The following TBC1D32 variants were observed in gnomAD, a reference collection of about 807,000 sequenced individuals.
TBC1D32 encodes the protein TBC1 domain family member 32, also known as protein broad-minded.
TBC1D32 carries 151 observed loss-of-function variants against 170.3 expected under a neutral mutation model. That is an observed-to-expected ratio of 0.89 (90% confidence interval 0.78 to 1.01). The LOEUF (loss-of-function observed/expected upper bound fraction) is 1.01, where lower values mean the gene tolerates loss of function less well. Ranked by LOEUF, TBC1D32 falls within the 50% of genes least tolerant of loss-of-function variation. TBC1D32 has a pLI of 0.00. For missense variants in TBC1D32, 1,464 were observed against 1,457.1 expected, an observed-to-expected ratio of 1.00 and a Z score of -0.08; for synonymous variants, 498 against 488.0, an observed-to-expected ratio of 1.02 and a Z score of -0.27.
At chr6:121,203,106 A>G (rs1045853235) in intron 22 of TBC1D32, among the ~76,000 whole-genome samples, 1 of 151,378 alleles carries the variant, frequency 6.6e-6, no homozygotes, top group Non-Finnish European at 1.5e-5. Flanking sequence ...ATAAGAGAGA[A>G]ACATATGGGT....
chr6:121,175,834 A>T (rs1313069105), intron 22 of TBC1D32, among the ~76,000 whole-genome samples: 3 of 152,220 alleles, frequency 2.0e-5, no homozygotes, highest in Non-Finnish European at 4.4e-5. Context: ...GAAATTCAAG[A>T]TAATGCAAAA....
At chr6:121,102,799 G>C (rs1424798773) in intron 30 of TBC1D32, among the ~76,000 whole-genome samples, 1 of 152,066 alleles carries the variant, frequency 6.6e-6, no homozygotes, top group Non-Finnish European at 1.5e-5. Context: ...AGAGTGAACA[G>C]GCAACCTACA....
intron 15 of TBC1D32, among the ~76,000 whole-genome samples, chr6:121,269,036 C>A (rs949229045): frequency 2.0e-5 from 3 of 152,084 alleles, no homozygotes; most frequent in East Asian, 3.9e-4. Flanking sequence ...AAGGAGAAAT[C>A]AAATCCTTTG....
At chr6:121,201,371 C>T (rs994246701) in intron 22 of TBC1D32, among the ~76,000 whole-genome samples, 5 of 151,328 alleles carry the variant, frequency 3.3e-5, no homozygotes, top group Admixed American at 1.3e-4. Context: ...TGACTCATGA[C>T]GGTGGGTTAG....
chr6:121,107,120 T>C (rs1377720431), intron 29 of TBC1D32, among the ~76,000 whole-genome samples: 46 of 151,996 alleles, frequency 3.0e-4, no homozygotes, highest in Admixed American at 3.0e-3. Context: ...CTTCTTGCTT[T>C]TACTGGACAA....
chr6:121,226,172 C>T (rs1795033204), intron 20 of TBC1D32, among the ~76,000 whole-genome samples: 1 of 152,066 alleles, frequency 6.6e-6, no homozygotes, highest in African/African-American at 2.4e-5. Context: ...GTAATTGTGC[C>T]AAATGCTAAC....
intron 1 of TBC1D32, among the ~76,000 whole-genome samples, chr6:121,324,319 T>C (rs1290641601): frequency 6.6e-6 from 1 of 152,198 alleles, no homozygotes; most frequent in African/African-American, 2.4e-5. Context: ...ATAACTAGCA[T>C]ATTAAATTTA....
intron 11 of TBC1D32, among the ~76,000 whole-genome samples, chr6:121,293,805 G>C (rs532599847): frequency 6.6e-6 from 1 of 152,078 alleles, no homozygotes; most frequent in African/African-American, 2.4e-5. Flanking sequence ...CAGCTACTTG[G>C]GAGGCTGAGG....
At chr6:121,233,392 G>C (rs1428615519) in intron 20 of TBC1D32, among the ~76,000 whole-genome samples, 1 of 152,086 alleles carries the variant, frequency 6.6e-6, no homozygotes, top group Non-Finnish European at 1.5e-5. Context: ...GGGAGCTCCA[G>C]TGCTAAGTGC....
Position 121,317,535 on chromosome 6 carries a change from C to T in TBC1D32, c.455G>A (p.Arg152His), listed in dbSNP as rs775961751. The T allele has an allele frequency of 2.4e-5, 39 of 1,611,888 alleles. No individual in the cohort carries two copies. The highest frequency in any genetic ancestry group is 1.1e-4 in the South Asian group (10 of 90,794). ...ATCACTATCAGAGCAATTGTCTGTGCGGTAACTATGGCTTTTCTCCTTTTG... is the reference window on the plus strand; with the variant it reads ...ATCACTATCAGAGCAATTGTCTGTGTGGTAACTATGGCTTTTCTCCTTTTG... ...KIQKEKSHSY[R>H]TDNCSDSDSS... is the part of the protein sequence containing the mutation. Residue 152 changes from arginine to histidine, a missense_variant, in exon 3 of 32, where the codon CGC becomes CAC. Arg to His is a conservative substitution (Grantham distance 29). Coordinates refer to ENST00000398212, the MANE Select transcript of TBC1D32 (RefSeq NM_152730.6).
intron 21 of TBC1D32, among the ~76,000 whole-genome samples, chr6:121,216,176 T>C (rs1267306121): frequency 6.6e-6 from 1 of 152,184 alleles, no homozygotes; most frequent in African/African-American, 2.4e-5. Context: ...CCAGCAAATA[T>C]AAAGCAGGCA....
At chr6:121,158,703 T>G (rs1021008660) in intron 24 of TBC1D32, among the ~76,000 whole-genome samples, 3 of 152,184 alleles carry the variant, frequency 2.0e-5, no homozygotes, top group African/African-American at 7.2e-5. Flanking sequence ...AAACTTTATT[T>G]GTGGCTGAAT....
chr6:121,158,873 T>G (rs1325728087), intron 24 of TBC1D32, among the ~76,000 whole-genome samples: 1 of 152,154 alleles, frequency 6.6e-6, no homozygotes, highest in Non-Finnish European at 1.5e-5. Flanking sequence ...AAATTCTGTT[T>G]GAATTTTAGT....
At chr6:121,217,039 G>T (rs1793915319) in intron 21 of TBC1D32, among the ~76,000 whole-genome samples, 1 of 152,204 alleles carries the variant, frequency 6.6e-6, no homozygotes, top group Admixed American at 6.5e-5. Context: ...AAGATGCAGG[G>T]ATGAGGATTC....
intron 30 of TBC1D32, among the ~76,000 whole-genome samples, chr6:121,103,640 G>A (rs780321673): frequency 6.6e-5 from 10 of 151,094 alleles, no homozygotes; most frequent in African/African-American, 9.7e-5. Context: ...TGTAAATGAC[G>A]AGTTAATGGG....
At chr6:121,267,471 C>T (rs76072810) in intron 15 of TBC1D32, among the ~76,000 whole-genome samples, 1 of 152,210 alleles carries the variant, frequency 6.6e-6, no homozygotes, top group African/African-American at 2.4e-5. Flanking sequence ...GAGATTATAT[C>T]CTGCACCTGG....
intron 5 of TBC1D32, among the ~76,000 whole-genome samples, chr6:121,307,588 C>G (rs970602353): frequency 9.9e-5 from 15 of 151,548 alleles, no homozygotes; most frequent in African/African-American, 3.6e-4. Context: ...GGCCAGACAC[C>G]GTGGCCCATG....
At chr6:121,150,335 T>G (rs1784056779) in intron 24 of TBC1D32, among the ~76,000 whole-genome samples, 1 of 152,224 alleles carries the variant, frequency 6.6e-6, no homozygotes, top group Admixed American at 6.5e-5. Context: ...TGAACCAGCC[T>G]TGCATCCCAG....
At chr6:121,278,748 G>A (rs1201794678) in intron 15 of TBC1D32, among the ~76,000 whole-genome samples, 3 of 152,056 alleles carry the variant, frequency 2.0e-5, no homozygotes, top group Admixed American at 1.3e-4. Context: ...AGGTTTGTCT[G>A]ATTATAAGCA....
Sources: allele counts gnomAD v4.1 joint callset (sites outside exome capture counted in the v4.1 genomes callset), GRCh38; gene constraint gnomAD v4.1.1; transcripts MANE v1.5; gene names NCBI Gene and HGNC (gene_info 2026-07-23, HGNC 2026-07-21).